The following DISP1 variants were observed in gnomAD, a reference collection of about 807,000 sequenced individuals.
DISP1 encodes protein dispatched homolog 1.
DISP1 carries 30 observed loss-of-function variants against 37.3 expected under a neutral mutation model. The observed-to-expected ratio is 0.80, with a 90% CI of 0.60 to 1.09. The LOEUF (loss-of-function observed/expected upper bound fraction) is 1.09. Ranked by LOEUF, DISP1 falls within the 50% of genes least tolerant of loss-of-function variation. DISP1 has a pLI of 0.00. For synonymous variants in DISP1, 634 were observed against 690.2 expected (o/e 0.92, Z 1.28); for missense variants, 1,598 against 1,879.5 (o/e 0.85, Z 2.77).
At chr1:222,912,475 A>G (rs980540132) in intron 1 of DISP1, among the ~76,000 whole-genome samples, 8 of 151,954 alleles carry the variant, frequency 5.3e-5, no homozygotes, top group Admixed American at 5.2e-4. Flanking sequence ...TCTTCCCACT[A>G]TTTGATGTGT....
At chr1:222,855,540 A>T (rs1009558403) in intron 1 of DISP1, among the ~76,000 whole-genome samples, 1 of 152,182 alleles carries the variant, frequency 6.6e-6, no homozygotes, top group Non-Finnish European at 1.5e-5. Context: ...GTTATTATAT[A>T]CTAGCAGATA....
chr1:222,935,873 G>T (rs1456002907), intron 2 of DISP1, among the ~76,000 whole-genome samples: 2 of 152,098 alleles, frequency 1.3e-5, no homozygotes, highest in Non-Finnish European at 2.9e-5. Context: ...TAGTTTGATT[G>T]CATCCTTTGT....
chr1:222,827,815 A>G (rs1019746102), intron 1 of DISP1, among the ~76,000 whole-genome samples: 1 of 152,208 alleles, frequency 6.6e-6, no homozygotes, highest in African/African-American at 2.4e-5. Flanking sequence ...TAGGGAAAAT[A>G]AACTTGAGAT....
At chr1:222,886,890 A>T (rs999706849) in intron 1 of DISP1, among the ~76,000 whole-genome samples, 2 of 152,254 alleles carry the variant, frequency 1.3e-5, no homozygotes, top group African/African-American at 2.4e-5. Context: ...CTAGAGGCAG[A>T]GGATTAGTTG....
chr1:222,990,090 C>A (rs1678585111), intron 4 of DISP1, among the ~76,000 whole-genome samples: 1 of 152,172 alleles, frequency 6.6e-6, no homozygotes, highest in East Asian at 1.9e-4. Context: ...GTGTGAGCCA[C>A]CATGCTCAGC....
At position 222,943,165 on chromosome 1, in the gene DISP1, G is replaced by C. The variant is rs374294853; in HGVS notation, c.342G>C (p.Ser114=). 1.2e-6 allele frequency: 2 copies of C among 1,611,642 alleles called. No individual in the cohort carries two copies. Among genetic ancestry groups the C allele is most frequent in the Non-Finnish European group, 1.7e-6 (2 of 1,177,886 alleles). ...CTGCAGCACCCTCTGCTTTGGCCTCGTGTTGCATGCAGCCACACTCCGAGT... is the reference window on the plus strand; with the variant it reads ...CTGCAGCACCCTCTGCTTTGGCCTCCTGTTGCATGCAGCCACACTCCGAGT... ...AGPAAPSALA[S]CCMQPHSEYS... is the part of the protein sequence containing the mutation. The change falls in exon 3 of 9, where the codon TCG becomes TCC. Residue 114 remains serine (S), a synonymous_variant. Coordinates refer to ENST00000675850, the MANE Select transcript of DISP1 (RefSeq NM_001377229.1).
intron 1 of DISP1, among the ~76,000 whole-genome samples, chr1:222,846,784 G>A (rs775185740): frequency 1.3e-5 from 2 of 152,242 alleles, no homozygotes; most frequent in Non-Finnish European, 2.9e-5. Context: ...TTGAGTTTAT[G>A]TGATAGCAGG....
intron 1 of DISP1, among the ~76,000 whole-genome samples, chr1:222,896,732 G>A (rs1671283025): frequency 6.6e-6 from 1 of 152,114 alleles, no homozygotes; most frequent in Admixed American, 6.6e-5. Context: ...CAACTTTTAA[G>A]AGGTGAGCAA....
intron 1 of DISP1, among the ~76,000 whole-genome samples, chr1:222,898,199 G>T (rs1478580867): frequency 6.6e-6 from 1 of 152,158 alleles, no homozygotes; most frequent in Admixed American, 6.5e-5. Context: ...ATTGTTTGGG[G>T]TGGAAAAAGC....
intron 1 of DISP1, among the ~76,000 whole-genome samples, chr1:222,850,511 GT>G (rs1668164814): frequency 6.6e-6 from 1 of 151,914 alleles, no homozygotes; most frequent in African/African-American, 2.4e-5. Flanking sequence ...GTATCATGGG[GT>G]TTTTTTGTAC....
intron 1 of DISP1, among the ~76,000 whole-genome samples, chr1:222,906,308 G>A (rs1338600529): frequency 2.0e-5 from 3 of 152,176 alleles, no homozygotes; most frequent in African/African-American, 7.2e-5. Context: ...AGAGTTCGAT[G>A]TGCTTTGGGG....
At chr1:222,839,979 T>TTAATGAAGCCTAATG (rs1667490206) in intron 1 of DISP1, among the ~76,000 whole-genome samples, 4 of 151,996 alleles carry the variant, frequency 2.6e-5, no homozygotes, top group African/African-American at 9.7e-5. Context: ...AAGCCTAATC[T>TTAATGAAGCCTAATG]AGCCTGTCTT....
chr1:222,951,057 A>C (rs923679988), intron 3 of DISP1, among the ~76,000 whole-genome samples: 2 of 152,164 alleles, frequency 1.3e-5, no homozygotes, highest in African/African-American at 4.8e-5. Context: ...TATTTACCTA[A>C]GGTGATTTCA....
chr1:222,940,570 T>C (rs1394296438), intron 2 of DISP1, among the ~76,000 whole-genome samples: 2 of 152,216 alleles, frequency 1.3e-5, no homozygotes, highest in African/African-American at 4.8e-5. Context: ...CTGGCATGAC[T>C]TACCCAGCAT....
At chr1:222,907,502 G>C (rs1472888129) in intron 1 of DISP1, among the ~76,000 whole-genome samples, 1 of 152,154 alleles carries the variant, frequency 6.6e-6, no homozygotes, top group Non-Finnish European at 1.5e-5. Flanking sequence ...CTGTGTTTTA[G>C]TGGGCCCTCC....
intron 1 of DISP1, among the ~76,000 whole-genome samples, chr1:222,831,747 C>G (rs182861325): frequency 6.6e-6 from 1 of 152,178 alleles, no homozygotes; most frequent in Non-Finnish European, 1.5e-5. Context: ...AAGCCTGAGA[C>G]AGGATGGGAA....
At position 223,005,536 on chromosome 1, in the gene DISP1, G is replaced by A. The variant is rs368932347; in HGVS notation, c.4139G>A (p.Ser1380Asn). 9 of 1,614,054 alleles carry A rather than the reference G, an allele frequency of 5.6e-6. No individual in the cohort carries two copies. Among genetic ancestry groups the A allele is most frequent in the Non-Finnish European group, 7.6e-6 (9 of 1,180,046 alleles). Reference sequence around the variant, plus strand: ...ACCAATGTACACAGTCTTCAGAGGAGCATAGAAGAGCATCTTCCAAAGATG... The same window carrying A: ...ACCAATGTACACAGTCTTCAGAGGAACATAGAAGAGCATCTTCCAAAGATG... ...GKTNVHSLQRSIEEHLPKMAE... is the reference protein window; with the variant it reads ...GKTNVHSLQRNIEEHLPKMAE... The change falls in exon 9 of 9, where the codon AGC becomes AAC. Residue 1380 changes from serine (S) to asparagine (N), a missense_variant. Coordinates refer to ENST00000675850, the MANE Select transcript of DISP1 (RefSeq NM_001377229.1).
intron 1 of DISP1, among the ~76,000 whole-genome samples, chr1:222,917,581 G>C (rs912514664): frequency 2.0e-5 from 3 of 152,116 alleles, no homozygotes; most frequent in African/African-American, 7.2e-5. Context: ...TTTGGAATTT[G>C]GTTCATATTG....
chr1:222,956,409 C>T (rs1381975737), intron 3 of DISP1, among the ~76,000 whole-genome samples: 1 of 152,158 alleles, frequency 6.6e-6, no homozygotes, highest in Non-Finnish European at 1.5e-5. Context: ...TAATGACTGT[C>T]TTTGTTTCCA....
Sources: allele counts gnomAD v4.1 joint callset (sites outside exome capture counted in the v4.1 genomes callset), GRCh38; gene constraint gnomAD v4.1.1; transcripts MANE v1.5; gene names NCBI Gene and HGNC (gene_info 2026-07-23, HGNC 2026-07-21).